The following PRDM5 variants were observed in gnomAD, a reference collection of about 807,000 sequenced individuals.
PRDM5 encodes the protein PR domain zinc finger protein 5.
In PRDM5, 56 loss-of-function variants were observed where a neutral mutation model predicts 81.2. The observed-to-expected ratio is 0.69, with a 90% confidence interval of 0.56 to 0.86. The LOEUF (loss-of-function observed/expected upper bound fraction) is 0.86, where lower values mean the gene tolerates loss of function less well. Ranked by LOEUF, PRDM5 falls within the 40% of genes least tolerant of loss-of-function variation. The pLI, the probability that PRDM5 is intolerant of heterozygous loss-of-function variation, is 0.00. For missense variants in PRDM5, 697 were observed against 770.1 expected (o/e 0.91, Z 1.12); for synonymous variants, 267 against 256.4 (o/e 1.04, Z -0.39).
At chr4:120,688,950 T>C (rs1733937076), downstream of PRDM5, among the ~76,000 whole-genome samples, 1 of 152,202 alleles carries the variant, frequency 6.6e-6, no homozygotes, top group South Asian at 2.1e-4. Flanking sequence ...AGGATTGTTT[T>C]GGCTTATAGA....
At chr4:120,764,262 A>G (rs1303929894) in intron 13 of PRDM5, among the ~76,000 whole-genome samples, 1 of 152,204 alleles carries the variant, frequency 6.6e-6, no homozygotes, top group African/African-American at 2.4e-5. Context: ...GAACTACGTA[A>G]ATGACAGTAT....
chr4:120,756,433 TCTCC>T (rs1371932728), intron 13 of PRDM5, among the ~76,000 whole-genome samples: 1 of 152,092 alleles, frequency 6.6e-6, no homozygotes. Context: ...TTTACTCACT[TCTCC>T]CTCCATCCAG....
chr4:120,815,196 T>C (rs761247118), intron 7 of PRDM5, among the ~76,000 whole-genome samples: 14 of 152,218 alleles, frequency 9.2e-5, no homozygotes, highest in Admixed American at 3.3e-4. Flanking sequence ...TAGAACAGCA[T>C]TGAAAATCAA....
intron 14 of PRDM5, among the ~76,000 whole-genome samples, chr4:120,717,116 T>C (rs1251249326): frequency 6.6e-6 from 1 of 151,972 alleles, no homozygotes; most frequent in African/African-American, 2.4e-5. Flanking sequence ...GTGGAATATG[T>C]AGTATAAATT....
intron 13 of PRDM5, among the ~76,000 whole-genome samples, chr4:120,757,885 C>CCTTCTCCTTCTT (rs141417628): frequency 2.6e-5 from 4 of 151,102 alleles, no homozygotes; most frequent in African/African-American, 7.3e-5. Context: ...CTTCTCTTCT[C>CCTTCTCCTTCTT]CTTCTTCTTC....
In PRDM5 at chr4:120,903,026, AC is replaced by A. The variant is rs202030247; in HGVS notation, c.177+4447del. Among the ~76,000 whole-genome samples the A allele has an allele frequency of 8.3e-3, 1,262 of 152,248 alleles. 8 individuals are homozygous for A. The highest frequency in any genetic ancestry group is 0.013 in the Non-Finnish European group (892 of 68,016). ...GCTCTTGGCCTTGTCCACCACAACC[AC>A]TGGCATCATAAGCAGAATACAGGTA... On this transcript the variant is annotated intron_variant, in intron 2 of 15. Transcript: ENST00000264808.
intron 8 of PRDM5, among the ~76,000 whole-genome samples, chr4:120,805,752 G>A (rs997028659): frequency 1.3e-5 from 2 of 152,092 alleles, no homozygotes; most frequent in Admixed American, 6.6e-5. Context: ...ATCATACTGA[G>A]TGGGCAAAAA....
intron 2 of PRDM5, among the ~76,000 whole-genome samples, chr4:120,871,477 CA>C (rs1376645567): frequency 1.3e-5 from 2 of 152,182 alleles, no homozygotes; most frequent in Non-Finnish European, 2.9e-5. Flanking sequence ...AGTACCAAAG[CA>C]CTATTCTCTC....
intron 7 of PRDM5, among the ~76,000 whole-genome samples, chr4:120,815,880 T>C (rs995956728): frequency 6.6e-6 from 1 of 152,258 alleles, no homozygotes; most frequent in Admixed American, 6.5e-5. Flanking sequence ...CAGTATACCA[T>C]GTGCTAAGCA....
chr4:120,809,987 C>T (rs551546532), intron 8 of PRDM5, among the ~76,000 whole-genome samples: 4 of 152,302 alleles, frequency 2.6e-5, no homozygotes, highest in Non-Finnish European at 5.9e-5. Context: ...TGTCTAGCTA[C>T]AAGAGAACAG....
intron 2 of PRDM5, among the ~76,000 whole-genome samples, chr4:120,855,696 A>C (rs1759796390): frequency 6.6e-6 from 1 of 152,240 alleles, no homozygotes; most frequent in South Asian, 2.1e-4. Flanking sequence ...TTATATTGAC[A>C]AAAAGCCAAA....
intron 2 of PRDM5, among the ~76,000 whole-genome samples, chr4:120,897,348 T>G (rs1349732332): frequency 6.6e-6 from 1 of 152,222 alleles, no homozygotes; most frequent in East Asian, 1.9e-4. Context: ...ACTCTCACTC[T>G]TACTGTTTCT....
chr4:120,800,934 C>T (rs1227421121), intron 8 of PRDM5, among the ~76,000 whole-genome samples: 1 of 152,058 alleles, frequency 6.6e-6, no homozygotes, highest in Non-Finnish European at 1.5e-5. Context: ...TTATTTCCCT[C>T]CCAGACACTA....
At chr4:120,741,569 C>T (rs1161018748) in intron 14 of PRDM5, among the ~76,000 whole-genome samples, 1 of 151,848 alleles carries the variant, frequency 6.6e-6, no homozygotes, top group Non-Finnish European at 1.5e-5. Context: ...AGTGGGTGCG[C>T]GCACTGTGCA....
At chr4:120,890,003 C>T (rs1192143012) in intron 2 of PRDM5, among the ~76,000 whole-genome samples, 2 of 152,166 alleles carry the variant, frequency 1.3e-5, no homozygotes. Context: ...CTGTGATGAA[C>T]ATACGTGTGC....
chr4:120,814,210 C>T (rs1253910017), intron 7 of PRDM5, among the ~76,000 whole-genome samples: 1 of 152,178 alleles, frequency 6.6e-6, no homozygotes, highest in Non-Finnish European at 1.5e-5. Context: ...AGCCCCTTCA[C>T]TCTGTTCCCT....
At chr4:120,797,069 T>G (rs1751442527) in intron 10 of PRDM5, among the ~76,000 whole-genome samples, 1 of 152,030 alleles carries the variant, frequency 6.6e-6, no homozygotes, top group Non-Finnish European at 1.5e-5. Context: ...AAACAAGAAC[T>G]TGAGCAAAGG....
At chr4:120,817,673 T>C (rs972746573) in intron 5 of PRDM5, among the ~76,000 whole-genome samples, 7 of 152,194 alleles carry the variant, frequency 4.6e-5, no homozygotes, top group Non-Finnish European at 8.8e-5. Context: ...CAAACTTTAA[T>C]GAGTAAAAAA....
chr4:120,901,704 C>T (rs1372094463), intron 2 of PRDM5, among the ~76,000 whole-genome samples: 1 of 152,130 alleles, frequency 6.6e-6, no homozygotes, highest in Admixed American at 6.5e-5. Context: ...GTAAAAGAGG[C>T]TTAAATTTTT....
Sources: allele counts gnomAD v4.1 joint callset (sites outside exome capture counted in the v4.1 genomes callset), GRCh38; gene constraint gnomAD v4.1.1; transcripts MANE v1.5; gene names NCBI Gene and HGNC (gene_info 2026-07-23, HGNC 2026-07-21).